TREM1: variants seen among roughly 807,000 people sequenced by gnomAD.
The protein encoded by TREM1 is triggering receptor expressed on monocytes 1.
TREM1 carries 16 observed loss-of-function variants against 22.4 expected under a neutral mutation model. The ratio of observed to expected loss-of-function variants is 0.71; its 90% confidence interval spans 0.48 to 1.08. The LOEUF is 1.08. Among genes scored for constraint, TREM1 ranks in the 50% least tolerant of loss-of-function variants. The pLI is 0.00. For missense variants in TREM1, 283 were observed against 282.9 expected (o/e 1.00, Z 0.00); for synonymous variants, 110 against 111.6 (o/e 0.99, Z 0.09).
intron 3 of TREM1, chr6:41,268,142 G>A (rs2113965951): frequency 2.5e-6 from 1 of 398,366 alleles, no homozygotes; most frequent in East Asian, 3.6e-5. Context: ...ACAGGAGATA[G>A]GCAAGGACGT....
intron 3 of TREM1, 193 bp downstream of exon 3, chr6:41,280,768 T>C: frequency 1.4e-6 from 2 of 1,451,146 alleles, no homozygotes. Context: ...AAGGACAGCC[T>C]GGCTGAGAGC....
At chr6:41,282,949 T>A (rs1044800720) in intron 1 of TREM1, among the ~76,000 whole-genome samples, 198 bp from the exon 2 acceptor site, 1 of 70,744 alleles carries the variant, frequency 1.4e-5, no homozygotes, top group Non-Finnish European at 2.7e-5. Context: ...AGTAGGTTTT[T>A]TACTATAAGA....
In TREM1 at chr6:41,282,384, A is replaced by G; in HGVS notation, c.406+11T>C. The stretch of plus-strand genomic sequence containing the variant: ...TGGCCCTTCTTTCCCCCCAAGTCCC[A>G]GGCCACTCACCCTTGGTCACCACCA... On this transcript the variant is annotated intron_variant, in intron 2 of 3. Coordinates refer to ENST00000244709, the MANE Select transcript of TREM1 (RefSeq NM_018643.5). The G allele has an allele frequency of 1.3e-6, 2 of 1,592,842 alleles. No homozygotes were observed. The highest frequency in any genetic ancestry group is 1.7e-6 in the Non-Finnish European group (2 of 1,165,584).
chr6:41,279,436 G>C (rs752577330), intron 3 of TREM1: 12 of 775,804 alleles, frequency 1.5e-5, no homozygotes, highest in Non-Finnish European at 1.9e-5. Context: ...TACACTTAAG[G>C]CCCTCCTTCC....
upstream of TREM1, chr6:41,286,682 TGCTGAGG>T: frequency 6.2e-7 from 1 of 1,613,834 alleles, no homozygotes; most frequent in East Asian, 2.2e-5. Context: ...CTCCAACTGC[TGCTGAGG>T]GCTCCCGGGA....
intron 3 of TREM1, chr6:41,280,087 A>T (rs1767843119): frequency 2.1e-6 from 2 of 947,474 alleles, no homozygotes; most frequent in Admixed American, 1.2e-4. Flanking sequence ...CAAGGAAAAG[A>T]ATAAAAACAT....
downstream of TREM1, among the ~76,000 whole-genome samples, chr6:41,270,446 A>ATATATATATATAT (rs1325572554): frequency 2.1e-5 from 3 of 144,004 alleles, no homozygotes; most frequent in Admixed American, 6.8e-5. Flanking sequence ...GATATTATAT[A>ATATATATATATAT]ATATATATAT....
At chr6:41,270,446 AATATATAT>A (rs68021402), downstream of TREM1, among the ~76,000 whole-genome samples, 266 of 144,052 alleles carry the variant, frequency 1.8e-3, 4 homozygotes, top group African/African-American at 2.6e-3. Flanking sequence ...GATATTATAT[AATATATAT>A]ATATATATAT....
At chr6:41,281,341 C>A in intron 2 of TREM1, 188 bp from the exon 3 acceptor site, 7 of 658,622 alleles carry the variant, frequency 1.1e-5, no homozygotes, top group South Asian at 4.5e-5. Flanking sequence ...TTTGCTAAAG[C>A]CAAAGAAATA....
intron 3 of TREM1, among the ~76,000 whole-genome samples, 156 bp from the exon 4 acceptor site, chr6:41,276,386 C>G (rs1767672589): frequency 6.6e-6 from 1 of 152,160 alleles, no homozygotes; most frequent in Non-Finnish European, 1.5e-5. Context: ...CAGTCTGTCT[C>G]ATTGCCAAAA....
intron 3 of TREM1, chr6:41,280,264 A>T: frequency 1.0e-6 from 1 of 979,738 alleles, no homozygotes; most frequent in Non-Finnish European, 1.2e-6. Context: ...ATCAACATTT[A>T]ATAACTGTAA....
At chr6:41,280,307 A>C in intron 3 of TREM1, 2 of 984,566 alleles carry the variant, frequency 2.0e-6, no homozygotes, top group Non-Finnish European at 2.4e-6. Context: ...AGTGGTTCTT[A>C]AGTTTGCCTA....
In TREM1 at chr6:41,282,689, C is replaced by G. The variant is rs368620312; in HGVS notation, c.112G>C (p.Asp38His). The change falls in exon 2 of 4, where the codon GAT becomes CAT. Residue 38 changes from aspartate (D) to histidine (H), a missense_variant. Coordinates refer to ENST00000244709, the MANE Select transcript of TREM1 (RefSeq NM_018643.5). ...TCTAGCGTGTAGTCACATTTCACAT[C>G]CAGGGTCTGCCCCTCTTTCAGTTCA... Reference protein sequence around the residue: ...KYELKEGQTLDVKCDYTLEKF... With the variant: ...KYELKEGQTLHVKCDYTLEKF... 1 of 1,614,176 alleles carries G rather than the reference C, an allele frequency of 6.2e-7. No homozygotes were observed. The highest frequency in any genetic ancestry group is 1.3e-5 in the African/African-American group (1 of 75,044).
intron 3 of TREM1, among the ~76,000 whole-genome samples, chr6:41,278,625 C>A (rs191046951): frequency 6.3e-4 from 96 of 151,710 alleles, no homozygotes; most frequent in Middle Eastern, 6.8e-3. Context: ...CCACTCCACT[C>A]CAGCCTGATT....
In TREM1 at chr6:41,281,063, T is replaced by A; in HGVS notation, c.497A>T (p.Tyr166Phe). The A allele has an allele frequency of 6.2e-7, 1 of 1,614,148 alleles. No individual in the cohort carries two copies. Among genetic ancestry groups the A allele is most frequent in the African/African-American group, 1.3e-5 (1 of 75,022 alleles). ...PTTTKALCPL[Y>F]TSPRTVTQAP... ...TTGGGTCACAGTTCTGGGGCTGGTA[T>A]AGAGTGGGCACAAGGCCTTAGTGGT... The change falls in exon 3 of 4, where the codon TAT becomes TTT. Residue 166 changes from tyrosine to phenylalanine, a missense_variant. Tyr to Phe is a conservative substitution (Grantham distance 22, BLOSUM62 3). Coordinates refer to ENST00000244709, the MANE Select transcript of TREM1 (RefSeq NM_018643.5).
rs537683350 is a variant in TREM1, at chr6:41,280,153, A to G, written c.599+808T>C. ...ATGTATAAACATGAATAAAGACTAG[A>G]AGAGAATATGAGAAAAAAGACATGT... On this transcript the variant is annotated intron_variant, in intron 3 of 3. Coordinates refer to ENST00000244709, the MANE Select transcript of TREM1 (RefSeq NM_018643.5). The G allele has an allele frequency of 1.6e-5, 15 of 941,704 alleles. No homozygotes were observed. In the African/African-American group the frequency reaches 2.7e-4, roughly 17 times the overall value. 58.3% of individuals were successfully genotyped at this position (941,704 alleles called of 1,614,324 possible).
At chr6:41,269,194 C>T (rs1305652517), downstream of TREM1, among the ~76,000 whole-genome samples, 1 of 152,166 alleles carries the variant, frequency 6.6e-6, no homozygotes, top group African/African-American at 2.4e-5. Context: ...ATCCCAGTTC[C>T]ACCTCCCCAT....
chr6:41,281,267 G>T, intron 2 of TREM1, 114 bp from the exon 3 acceptor site: 1 of 1,222,434 alleles, frequency 8.2e-7, no homozygotes, highest in South Asian at 1.5e-5. Flanking sequence ...TTGATGGACG[G>T]GTAGGTGGTA....
rs1581639921 is a variant in TREM1 at position 41,286,548 on chromosome 6, G to C, written c.49+59C>G. 2.5e-6 allele frequency: 4 copies of C among 1,592,678 alleles called. No individual in the cohort carries two copies. The East Asian group carries it at 9.0e-5, about 36-fold the overall frequency. On this transcript the variant is annotated intron_variant, in intron 1 of 3. Coordinates refer to ENST00000244709, the MANE Select transcript of TREM1 (RefSeq NM_018643.5). Reference sequence around the variant, plus strand: ...TGTGCTCTGAAGCTTCAACAGAAAAGGGCTCCCCGAGATCCTGGACCAAAC... The same window carrying C: ...TGTGCTCTGAAGCTTCAACAGAAAACGGCTCCCCGAGATCCTGGACCAAAC...
Sources: allele counts gnomAD v4.1 joint callset (sites outside exome capture counted in the v4.1 genomes callset), GRCh38; gene constraint gnomAD v4.1.1; transcripts MANE v1.5; gene names NCBI Gene and HGNC (gene_info 2026-07-23, HGNC 2026-07-21).